Variants in NCK2 observed in about 807,000 individuals in gnomAD.
NCK2 encodes cytoplasmic protein NCK2.
Under a neutral mutation model 33.9 loss-of-function variants are expected in NCK2, and 16 were observed. That is an observed-to-expected ratio of 0.47 (90% CI 0.32 to 0.72). NCK2 has a LOEUF of 0.72. NCK2 is among the 30% of genes least tolerant of loss of function. The pLI is 0.03. For synonymous variants in NCK2, 273 were observed against 239.9 expected (o/e 1.14, Z -1.27); for missense variants, 418 against 537.3 (o/e 0.78, Z 2.19).
chr2:105,864,137 G>A (rs1264077304), intron 3 of NCK2, among the ~76,000 whole-genome samples: 1 of 152,112 alleles, frequency 6.6e-6, no homozygotes, highest in Non-Finnish European at 1.5e-5. Context: ...GGCCCTGGGT[G>A]TGAAAAAAGA....
chr2:105,756,675 A>G (rs1316591432), intron 1 of NCK2, among the ~76,000 whole-genome samples: 3 of 152,236 alleles, frequency 2.0e-5, no homozygotes, highest in Non-Finnish European at 4.4e-5. Context: ...CCAGAGCAGC[A>G]GGTCCTGGAC....
chr2:105,776,158 T>C (rs901850425), intron 1 of NCK2, among the ~76,000 whole-genome samples: 3 of 152,076 alleles, frequency 2.0e-5, no homozygotes, highest in African/African-American at 7.2e-5. Context: ...GGAATCTCAG[T>C]GCTCTGCCCT....
chr2:105,835,521 G>T (rs1676397474), intron 2 of NCK2, among the ~76,000 whole-genome samples: 1 of 149,298 alleles, frequency 6.7e-6, no homozygotes, highest in Non-Finnish European at 1.5e-5. Flanking sequence ...TGAGGATTCT[G>T]TTTTATTTTA....
chr2:105,859,671 G>A (rs1202482067), intron 3 of NCK2, among the ~76,000 whole-genome samples: 4 of 152,240 alleles, frequency 2.6e-5, no homozygotes, highest in Admixed American at 6.5e-5. Context: ...GGTTCTGAGA[G>A]GCATATCCCT....
At chr2:105,745,503 A>G (rs1406246250) in intron 1 of NCK2, among the ~76,000 whole-genome samples, 2 of 151,842 alleles carry the variant, frequency 1.3e-5, no homozygotes, top group Non-Finnish European at 2.9e-5. Flanking sequence ...CCTGGCCTGC[A>G]GGCGGGCGGC....
intron 1 of NCK2, among the ~76,000 whole-genome samples, chr2:105,815,786 C>G (rs952425740): frequency 2.0e-5 from 3 of 152,246 alleles, no homozygotes; most frequent in African/African-American, 7.2e-5. Flanking sequence ...GAACGAGTCT[C>G]TAAACAATAT....
intron 3 of NCK2, among the ~76,000 whole-genome samples, chr2:105,879,548 T>C (rs1033445496): frequency 2.6e-5 from 4 of 152,288 alleles, no homozygotes; most frequent in African/African-American, 7.2e-5. Flanking sequence ...TCTGGCTTAC[T>C]CTTGTGTTTC....
chr2:105,832,701 A>G (rs923855048), intron 2 of NCK2, among the ~76,000 whole-genome samples: 6 of 100,442 alleles, frequency 6.0e-5, no homozygotes, highest in African/African-American at 2.8e-4. Context: ...TTACTTTGCC[A>G]GTATTTTTTT....
chr2:105,866,587 GGCGTAGTTCACAATA>G (rs1000817239), intron 3 of NCK2, among the ~76,000 whole-genome samples: 3 of 152,212 alleles, frequency 2.0e-5, no homozygotes, highest in Non-Finnish European at 4.4e-5. Flanking sequence ...ATCCCTCACA[GGCGTAGTTCACAATA>G]GTGTTTGCGC....
At chr2:105,747,160 ATCT>A (rs1207646362) in intron 1 of NCK2, among the ~76,000 whole-genome samples, 5 of 152,076 alleles carry the variant, frequency 3.3e-5, no homozygotes, top group African/African-American at 1.2e-4. Context: ...GCATACTTAA[ATCT>A]TCTTCATCCT....
At chr2:105,750,037 A>AACACACAC (rs72315025) in intron 1 of NCK2, among the ~76,000 whole-genome samples, 16,036 of 144,434 alleles carry the variant, frequency 0.11, 960 homozygotes, top group African/African-American at 0.15. Context: ...AAAGCAAACA[A>AACACACAC]ACACACACAC....
At chr2:105,765,817 CTG>C (rs1021023464) in intron 1 of NCK2, among the ~76,000 whole-genome samples, 4 of 121,184 alleles carry the variant, frequency 3.3e-5, no homozygotes, top group African/African-American at 3.9e-5. Context: ...GTGTGTGTGT[CTG>C]TGTGTGTGTG....
chr2:105,832,344 AT>A (rs1231617167), intron 2 of NCK2, among the ~76,000 whole-genome samples: 1 of 152,132 alleles, frequency 6.6e-6, no homozygotes, highest in African/African-American at 2.4e-5. Context: ...TTTGGCTAGG[AT>A]TATAAACAAT....
At chr2:105,841,005 G>T (rs149159879) in intron 2 of NCK2, among the ~76,000 whole-genome samples, 1 of 152,214 alleles carries the variant, frequency 6.6e-6, no homozygotes, top group Admixed American at 6.5e-5. Flanking sequence ...CTTTAGGTCA[G>T]TAATTGAGGT....
intron 3 of NCK2, among the ~76,000 whole-genome samples, chr2:105,866,297 A>T (rs543158862): frequency 2.2e-4 from 33 of 152,234 alleles, no homozygotes; most frequent in Non-Finnish European, 4.0e-4. Context: ...ACTCAGAAGT[A>T]ATCACGGTTG....
chr2:105,885,945 A>G (rs1171645721), intron 4 of NCK2, among the ~76,000 whole-genome samples: 2 of 152,132 alleles, frequency 1.3e-5, no homozygotes, highest in Non-Finnish European at 2.9e-5. Flanking sequence ...GAGTTTGAAA[A>G]TAAACGTGCT....
chr2:105,826,541 T>C (rs552628320), intron 2 of NCK2, among the ~76,000 whole-genome samples: 1 of 152,292 alleles, frequency 6.6e-6, no homozygotes, highest in African/African-American at 2.4e-5. Context: ...ACCTGATTGG[T>C]TATGTTTTTT....
rs542518508 is a variant in NCK2, at chr2:105,799,193, CA to C, written c.-200-17236del. On this transcript the variant is annotated intron_variant, in intron 1 of 4. Transcript: ENST00000233154. Reference sequence around the variant, plus strand: ...GGAATCTATCTGTGGTATATTTTATCATGTAAGAAAATTTTTTATGTTTATG... The same window carrying C: ...GGAATCTATCTGTGGTATATTTTATCTGTAAGAAAATTTTTTATGTTTATG... Among the ~76,000 whole-genome samples, 442 of 151,838 alleles carry C rather than the reference CA, an allele frequency of 2.9e-3. 3 individuals carry two copies. Among genetic ancestry groups the C allele is most frequent in the Middle Eastern group, 0.01 (3 of 292 alleles).
intron 1 of NCK2, among the ~76,000 whole-genome samples, chr2:105,798,364 AT>A (rs931701392): frequency 6.5e-4 from 98 of 151,212 alleles, no homozygotes; most frequent in Non-Finnish European, 9.3e-4. Context: ...TAGCTGAGTC[AT>A]TTTTTTTTCT....
Sources: gnomAD v4.1 joint callset for allele counts (sites outside exome capture counted in the v4.1 genomes callset) on GRCh38, gnomAD v4.1.1 for gene constraint, MANE v1.5 for transcripts, NCBI Gene and HGNC (gene_info 2026-07-23, HGNC 2026-07-21) for gene names.